PCDHA1: variants seen among roughly 807,000 people sequenced by gnomAD.
The protein encoded by PCDHA1 is protocadherin alpha 1, also known as protocadherin alpha-1.
In PCDHA1, 42 loss-of-function variants were observed where a neutral mutation model predicts 61.3. The ratio of observed to expected loss-of-function variants is 0.69; its 90% confidence interval spans 0.54 to 0.89. The LOEUF is 0.89. Ranked by LOEUF, PCDHA1 falls within the 40% of genes least tolerant of loss-of-function variation. PCDHA1 has a pLI of 0.00. For missense variants in PCDHA1, 1,256 were observed against 1,235.3 expected (o/e 1.02, Z -0.25); for synonymous variants, 610 against 553.8 (o/e 1.10, Z -1.43).
At chr5:140,970,408 A>G (rs1292683019) in intron 1 of PCDHA1, among the ~76,000 whole-genome samples, 1 of 152,202 alleles carries the variant, frequency 6.6e-6, no homozygotes, top group Admixed American at 6.5e-5. Context: ...GGCTTACCCT[A>G]CAGTAAGGTG....
chr5:140,941,286 CTCTT>C (rs5871754), intron 1 of PCDHA1, among the ~76,000 whole-genome samples: 36,780 of 106,460 alleles, frequency 0.35, 6,423 homozygotes, highest in East Asian at 0.56. Flanking sequence ...TCCTTCCTTT[CTCTT>C]TCTTTCTTTC....
chr5:140,947,402 T>C (rs550043631), intron 1 of PCDHA1, among the ~76,000 whole-genome samples: 1 of 151,868 alleles, frequency 6.6e-6, no homozygotes, highest in East Asian at 1.9e-4. Context: ...AAGTAGACTG[T>C]CTTGATATTG....
intron 1 of PCDHA1, chr5:140,808,911 G>T (rs1554124881): frequency 6.2e-7 from 1 of 1,613,456 alleles, no homozygotes; most frequent in Non-Finnish European, 8.5e-7. Context: ...GGCACTGGTG[G>T]CGCAGTGAGC....
intron 1 of PCDHA1, chr5:140,967,449 C>T (rs2096141880): frequency 1.2e-6 from 2 of 1,613,586 alleles, no homozygotes; most frequent in Non-Finnish European, 1.7e-6. Context: ...CTGGTTCTCA[C>T]AGCCGTGGAT....
chr5:140,917,574 A>AT (rs2078267630), intron 1 of PCDHA1, among the ~76,000 whole-genome samples: 2 of 152,154 alleles, frequency 1.3e-5, no homozygotes, highest in Non-Finnish European at 2.9e-5. Context: ...TCTCAGGCTG[A>AT]TTTTTGTTCA....
At position 140,897,120 on chromosome 5, in the gene PCDHA1, C is replaced by T. The variant is rs116233032; in HGVS notation, c.2395-81829C>T. Among the ~76,000 whole-genome samples, 1,215 of 152,248 alleles carry T rather than the reference C, an allele frequency of 8.0e-3. 5 individuals are homozygous for T. The highest frequency in any genetic ancestry group is 0.019 in the African/African-American group (784 of 41,540). On this transcript the variant is annotated intron_variant, in intron 1 of 3. Coordinates refer to ENST00000504120, the MANE Select transcript of PCDHA1 (RefSeq NM_018900.4). ...TAAAAATCTCCACTTTCTGTCCACA[C>T]CCCACTAAACTTTCTAGCCTTTGTT... is the stretch of plus-strand genomic sequence containing the variant.
At chr5:140,990,893 T>C (rs1554251806) in intron 3 of PCDHA1, among the ~76,000 whole-genome samples, 1 of 152,178 alleles carries the variant, frequency 6.6e-6, no homozygotes, top group East Asian at 1.9e-4. Context: ...GAGTGGGTCG[T>C]TGCTGGGTCA....
intron 1 of PCDHA1, chr5:140,881,244 C>A (rs1219638908): frequency 4.8e-5 from 19 of 396,890 alleles, no homozygotes; most frequent in Non-Finnish European, 6.2e-5. Context: ...ATTTAAATGA[C>A]GGCAAGGTTT....
chr5:140,898,817 C>T (rs1381051036), intron 1 of PCDHA1, among the ~76,000 whole-genome samples: 1 of 151,766 alleles, frequency 6.6e-6, no homozygotes, highest in Admixed American at 6.6e-5. Context: ...TCTTCCTACC[C>T]ATGAGCATGG....
chr5:140,850,705 C>T, intron 1 of PCDHA1: 1 of 1,597,920 alleles, frequency 6.3e-7, no homozygotes, highest in South Asian at 1.1e-5. Context: ...CCTGGCAAGC[C>T]GACGCTGGTG....
Position 140,808,865 on chromosome 5 carries a change from G to A in PCDHA1, c.2394+20181G>A, listed in dbSNP as rs567779090. On this transcript the variant is annotated intron_variant, in intron 1 of 3. Transcript: ENST00000504120. ...GCAGGTGTTCGTGCTGGACGAAAAC[G>A]ACAACGCGCCAGCACTGCTAGCGCC... 59 of 1,613,122 alleles carry A rather than the reference G, an allele frequency of 3.7e-5. No individual in the cohort carries two copies. The highest frequency in any genetic ancestry group is 2.7e-4 in the Admixed American group (16 of 60,026).
intron 1 of PCDHA1, among the ~76,000 whole-genome samples, chr5:140,844,660 A>G (rs1779489979): frequency 1.3e-5 from 2 of 149,622 alleles, no homozygotes; most frequent in African/African-American, 4.9e-5. Flanking sequence ...TGCAAACCAA[A>G]CATATAATTT....
intron 1 of PCDHA1, chr5:140,860,619 CAT>C: frequency 6.6e-6 from 1 of 152,266 alleles, no homozygotes; most frequent in African/African-American, 2.4e-5. Context: ...GAAACATAAA[CAT>C]ATGCAGGAAT....
intron 1 of PCDHA1, among the ~76,000 whole-genome samples, chr5:140,903,696 A>G (rs2153481433): frequency 6.6e-6 from 1 of 152,370 alleles, no homozygotes; most frequent in East Asian, 1.9e-4. Context: ...ATAGTTTAAA[A>G]TAGTAATAAA....
chr5:140,962,171 G>T (rs1218733161), intron 1 of PCDHA1, among the ~76,000 whole-genome samples: 1 of 151,902 alleles, frequency 6.6e-6, no homozygotes, highest in Admixed American at 6.6e-5. Flanking sequence ...CACCACACCC[G>T]GCCACTTATA....
At chr5:140,968,339 A>C in intron 1 of PCDHA1, 1 of 1,614,114 alleles carries the variant, frequency 6.2e-7, no homozygotes, top group Non-Finnish European at 8.5e-7. Flanking sequence ...TGTCTCCATT[A>C]ACAGTGCCAG....
rs782414359 is a variant in PCDHA1 at position 140,802,121 on chromosome 5, A to T, written c.2394+13437A>T. ...GACAAATCAGTGTAAAGGGTAACAT[A>T]GATTTCGAGGAAAGTAAGTCATATG... is the stretch of plus-strand genomic sequence containing the variant. On this transcript the variant is annotated intron_variant, in intron 1 of 3. Transcript: ENST00000504120. 4 of 1,614,250 alleles carry T rather than the reference A, an allele frequency of 2.5e-6. No homozygotes were observed. The East Asian group carries it at 8.9e-5, about 36-fold the overall frequency.
At chr5:140,828,644 A>C in intron 1 of PCDHA1, 1 of 1,614,210 alleles carries the variant, frequency 6.2e-7, no homozygotes, top group Non-Finnish European at 8.5e-7. Flanking sequence ...TGTGAAAATA[A>C]ACAGTGATGA....
chr5:140,968,553 G>C (rs782583876), intron 1 of PCDHA1: 4 of 1,614,132 alleles, frequency 2.5e-6, no homozygotes, highest in South Asian at 1.1e-5. Context: ...ATGGTGCCTC[G>C]AACTGCCCCT....
Sources: gnomAD v4.1 joint callset for allele counts (sites outside exome capture counted in the v4.1 genomes callset) on GRCh38, gnomAD v4.1.1 for gene constraint, MANE v1.5 for transcripts, NCBI Gene and HGNC (gene_info 2026-07-23, HGNC 2026-07-21) for gene names.